Variants in PTPRM observed in about 807,000 individuals in gnomAD.
PTPRM encodes the protein receptor-type tyrosine-protein phosphatase mu.
PTPRM carries 47 observed loss-of-function variants against 186.7 expected under a neutral mutation model. The observed-to-expected ratio is 0.25, with a 90% CI of 0.20 to 0.32. PTPRM has a LOEUF of 0.32. PTPRM is among the 10% of genes least tolerant of loss of function. The pLI is 1.00. For missense variants in PTPRM, 1,494 were observed against 1,865.0 expected, an observed-to-expected ratio of 0.80 and a Z score of 3.66; for synonymous variants, 668 against 674.9, an observed-to-expected ratio of 0.99 and a Z score of 0.16.
At chr18:8,289,565 T>TATATATATACATATATATACAC (rs1199950221) in intron 19 of PTPRM, among the ~76,000 whole-genome samples, 2 of 96,582 alleles carry the variant, frequency 2.1e-5, no homozygotes, top group African/African-American at 1.4e-4. Flanking sequence ...TATATACACA[T>TATATATATACATATATATACAC]ATATATATAT....
chr18:8,046,200 C>T (rs1158652092), intron 7 of PTPRM, among the ~76,000 whole-genome samples: 3 of 152,150 alleles, frequency 2.0e-5, no homozygotes, highest in Admixed American at 6.5e-5. Flanking sequence ...TCTCCCCAAC[C>T]GTCCAGCCAT....
At chr18:7,588,402 A>T (rs2037036509) in intron 1 of PTPRM, among the ~76,000 whole-genome samples, 1 of 152,180 alleles carries the variant, frequency 6.6e-6, no homozygotes, top group Non-Finnish European at 1.5e-5. Flanking sequence ...ACTTATGAGG[A>T]TTGACTATCA....
intron 13 of PTPRM, among the ~76,000 whole-genome samples, chr18:8,140,033 A>G (rs564814121): frequency 1.3e-5 from 2 of 152,332 alleles, no homozygotes; most frequent in African/African-American, 4.8e-5. Flanking sequence ...TCCACATTCA[A>G]GGTCAACCTC....
chr18:8,278,239 G>A (rs765109576), intron 19 of PTPRM, among the ~76,000 whole-genome samples: 36 of 152,206 alleles, frequency 2.4e-4, no homozygotes, highest in Non-Finnish European at 2.2e-4. Flanking sequence ...TATTTGGGGA[G>A]CAATGCAAAG....
chr18:8,083,100 C>G (rs12967493), intron 9 of PTPRM, among the ~76,000 whole-genome samples: 1 of 152,132 alleles, frequency 6.6e-6, no homozygotes, highest in Non-Finnish European at 1.5e-5. Context: ...TGCTATAGCT[C>G]TAGGCCCTGG....
chr18:8,042,351 A>C (rs1272184733), intron 7 of PTPRM, among the ~76,000 whole-genome samples: 1 of 152,182 alleles, frequency 6.6e-6, no homozygotes, highest in Non-Finnish European at 1.5e-5. Flanking sequence ...TTTAAGTAAA[A>C]CGTATTGTAA....
At chr18:7,721,724 T>G (rs1184324261) in intron 1 of PTPRM, among the ~76,000 whole-genome samples, 1 of 152,168 alleles carries the variant, frequency 6.6e-6, no homozygotes, top group African/African-American at 2.4e-5. Flanking sequence ...CACTGAATGT[T>G]TTTGACACAC....
chr18:8,283,777 C>G (rs2094927857), intron 19 of PTPRM, among the ~76,000 whole-genome samples: 1 of 151,878 alleles, frequency 6.6e-6, no homozygotes, highest in South Asian at 2.1e-4. Context: ...TGCCACTATA[C>G]CTAGCTAATT....
rs2037432039 is a variant in PTPRM at position 7,602,664 on chromosome 18, G to A, written c.73+34773G>A. Among the ~76,000 whole-genome samples, 3 of 151,382 alleles carry A rather than the reference G, an allele frequency of 2.0e-5. No individual in the cohort carries two copies. In the South Asian group the frequency reaches 6.3e-4, roughly 32 times the overall value. On this transcript the variant is annotated intron_variant, in intron 1 of 32. Transcript: ENST00000580170. ...CTGTGGCAATGCTTTTTTTTTTAAA[G>A]CATATTATTTACTATAGAGCTTTAT... is the stretch of plus-strand genomic sequence containing the variant.
chr18:7,950,245 A>G (rs1483120560), intron 6 of PTPRM, among the ~76,000 whole-genome samples: 1 of 152,166 alleles, frequency 6.6e-6, no homozygotes, highest in African/African-American at 2.4e-5. Context: ...AATTTGTAAA[A>G]ATAAAAAAAG....
intron 14 of PTPRM, among the ~76,000 whole-genome samples, chr18:8,177,829 C>T (rs2093508898): frequency 6.6e-6 from 1 of 152,162 alleles, no homozygotes; most frequent in East Asian, 1.9e-4. Flanking sequence ...TACATATTGG[C>T]ATGCTTCCAG....
chr18:8,054,554 T>A (rs1001492551), intron 7 of PTPRM, among the ~76,000 whole-genome samples: 3 of 151,864 alleles, frequency 2.0e-5, no homozygotes, highest in African/African-American at 4.8e-5. Context: ...ATACTTAAAG[T>A]TTATAGTTGA....
At chr18:7,991,630 A>G (rs1199703686) in intron 7 of PTPRM, among the ~76,000 whole-genome samples, 2 of 152,196 alleles carry the variant, frequency 1.3e-5, no homozygotes, top group Non-Finnish European at 2.9e-5. Context: ...TTTCAGTAGC[A>G]ACCCAATCTA....
chr18:8,343,631 A>G (rs1458775078), intron 23 of PTPRM, 111 bp downstream of exon 23: 8 of 819,156 alleles, frequency 9.8e-6, no homozygotes, highest in African/African-American at 1.7e-5. Flanking sequence ...CCAAAACATT[A>G]ACTACTCCAG....
At chr18:8,384,774 C>A in intron 30 of PTPRM, 88 bp downstream of exon 30, 1 of 1,532,318 alleles carries the variant, frequency 6.5e-7, no homozygotes, top group Non-Finnish European at 8.9e-7. Flanking sequence ...CTATGTCAGT[C>A]ACTGTTCCAG....
chr18:7,917,428 C>T (rs951484041), intron 4 of PTPRM, among the ~76,000 whole-genome samples: 8 of 152,064 alleles, frequency 5.3e-5, no homozygotes, highest in African/African-American at 1.7e-4. Flanking sequence ...CCCAGCTACT[C>T]AGGAGGCTGA....
At chr18:8,343,363 GA>G in intron 22 of PTPRM, 59 bp from the exon 23 acceptor site, 1 of 1,493,658 alleles carries the variant, frequency 6.7e-7, no homozygotes, top group Non-Finnish European at 9.3e-7. Flanking sequence ...GTAAGCCCCG[GA>G]AATTTTCCAG....
intron 2 of PTPRM, among the ~76,000 whole-genome samples, chr18:7,783,748 TTGTGTGTGTGTGTGTGTGTGTGTGTATG>T (rs1316626113): frequency 6.8e-6 from 1 of 146,620 alleles, no homozygotes; most frequent in Non-Finnish European, 1.5e-5. Flanking sequence ...ATTTTTAATT[TTGTGTGTGTGTGTGTGTGTGTGTGTATG>T]TGTGTGTGTG....
chr18:8,232,409 C>A (rs558599571), intron 14 of PTPRM, among the ~76,000 whole-genome samples: 1 of 152,328 alleles, frequency 6.6e-6, no homozygotes, highest in Non-Finnish European at 1.5e-5. Context: ...GCTATATGAA[C>A]ATCTCTATGG....
Sources: gnomAD v4.1 joint callset for allele counts (sites outside exome capture counted in the v4.1 genomes callset) on GRCh38, gnomAD v4.1.1 for gene constraint, MANE v1.5 for transcripts, NCBI Gene and HGNC (gene_info 2026-07-23, HGNC 2026-07-21) for gene names.